Variants in TMPRSS15 observed in about 807,000 individuals in gnomAD.
TMPRSS15 encodes the protein transmembrane serine protease 15, also known as enteropeptidase.
TMPRSS15 carries 128 observed loss-of-function variants against 125.3 expected under a neutral mutation model. The observed-to-expected ratio is 1.02, with a 90% confidence interval of 0.89 to 1.18. The LOEUF is 1.18. Among genes scored for constraint, TMPRSS15 ranks in the 50% most tolerant of loss-of-function variants. The probability of loss-of-function intolerance (pLI) is 0.00; values close to 1 mark genes in which losing one functional copy is unlikely to be tolerated. For missense variants in TMPRSS15, 1,283 were observed against 1,212.7 expected (o/e 1.06, Z -0.86); for synonymous variants, 446 against 423.2 (o/e 1.05, Z -0.66).
upstream of TMPRSS15, among the ~76,000 whole-genome samples, chr21:18,404,339 T>C (rs1259317775): frequency 6.6e-6 from 1 of 152,224 alleles, no homozygotes; most frequent in African/African-American, 2.4e-5. Context: ...CAGTTATTAA[T>C]GAATGGTAGT....
At chr21:18,360,633 T>C (rs1032468035) in intron 7 of TMPRSS15, among the ~76,000 whole-genome samples, 21 of 152,276 alleles carry the variant, frequency 1.4e-4, no homozygotes, top group African/African-American at 5.1e-4. Flanking sequence ...GGCTTTCTAT[T>C]CTGTCTATGT....
intron 18 of TMPRSS15, among the ~76,000 whole-genome samples, chr21:18,309,562 A>G (rs967660332): frequency 6.6e-6 from 1 of 152,114 alleles, no homozygotes; most frequent in Non-Finnish European, 1.5e-5. Flanking sequence ...TTTACAAGAA[A>G]AAAACAAACA....
chr21:18,304,034 C>T (rs867662497), intron 18 of TMPRSS15, among the ~76,000 whole-genome samples: 30 of 152,092 alleles, frequency 2.0e-4, no homozygotes, highest in African/African-American at 5.3e-4. Flanking sequence ...TGGTGAAAAC[C>T]TTGCTATGGA....
chr21:18,378,918 T>C lies in TMPRSS15; in HGVS notation c.532+365A>G, dbSNP rs1190628608. Among the ~76,000 whole-genome samples, 12 of 152,238 alleles carry C rather than the reference T, an allele frequency of 7.9e-5. 2 individuals are homozygous for C. The highest frequency in any genetic ancestry group is 7.9e-4 in the Admixed American group (12 of 15,274). ...GTTAACAGGAGAAAGCAAGCATGTC[T>C]AACTTGTATGCAGAGATAATAATCA... On this transcript the variant is annotated intron_variant, in intron 5 of 24. Transcript: ENST00000284885.
In TMPRSS15 at chr21:18,383,830, T is replaced by C. The variant is rs759897678; in HGVS notation, c.345-52A>G. ...GAAAAAGTCAGCCATCTTCCACTGA[T>C]TTGTGTTCAATTCATGTTAAATGTC... On this transcript the variant is annotated intron_variant, in intron 3 of 24. Transcript: ENST00000284885. The C allele has an allele frequency of 3.2e-6, 5 of 1,585,904 alleles. No homozygotes were observed. In the Admixed American group the frequency reaches 5.2e-5, roughly 17 times the overall value.
rs142111758 is a variant in TMPRSS15 at position 18,384,281 on chromosome 21, C to G, written c.345-503G>C. 2.9e-3 allele frequency among the ~76,000 whole-genome samples: 443 copies of G among 152,242 alleles called. 6 individuals carry two copies. Among genetic ancestry groups the G allele is most frequent in the South Asian group, 0.015 (71 of 4,822 alleles). ...TATGGCAACTAATCTATATCTCCCTCTTCTTCTCTATTTTGCTTAATATAA... is the reference window on the plus strand; with the variant it reads ...TATGGCAACTAATCTATATCTCCCTGTTCTTCTCTATTTTGCTTAATATAA... On this transcript the variant is annotated intron_variant, in intron 3 of 24. Coordinates refer to ENST00000284885, the MANE Select transcript of TMPRSS15 (RefSeq NM_002772.3).
intron 16 of TMPRSS15, among the ~76,000 whole-genome samples, chr21:18,317,763 C>T (rs2075183016): frequency 2.8e-5 from 2 of 72,250 alleles, no homozygotes; most frequent in African/African-American, 1.1e-4. Context: ...ATTTCCCATC[C>T]CATCCCATCC....
At chr21:18,420,273 C>T (rs1033066701) in intron 1 of TMPRSS15, among the ~76,000 whole-genome samples, 4 of 152,156 alleles carry the variant, frequency 2.6e-5, no homozygotes, top group African/African-American at 9.7e-5. Flanking sequence ...GTCTGTGATT[C>T]GAGTAAACCT....
chr21:18,274,199 T>C (rs2074593753), intron 24 of TMPRSS15, among the ~76,000 whole-genome samples: 1 of 152,172 alleles, frequency 6.6e-6, no homozygotes, highest in Non-Finnish European at 1.5e-5. Flanking sequence ...ACTGTTAACA[T>C]TTTTGAGTAA....
At chr21:18,334,480 G>T (rs143286589) in intron 13 of TMPRSS15, among the ~76,000 whole-genome samples, 117 of 152,252 alleles carry the variant, frequency 7.7e-4, no homozygotes, top group African/African-American at 2.7e-3. Context: ...GAAAATTGTG[G>T]CTCTGAGTTA....
At chr21:18,430,635 T>C (rs887791334) in intron 1 of TMPRSS15, among the ~76,000 whole-genome samples, 1 of 152,200 alleles carries the variant, frequency 6.6e-6, no homozygotes, top group African/African-American at 2.4e-5. Flanking sequence ...TGCTGCTCTG[T>C]ATGCTGGTGC....
Position 18,453,934 on chromosome 21 carries a change from T to C in TMPRSS15, c.10+31865A>G, listed in dbSNP as rs1978388683. On this transcript the variant is annotated intron_variant, in intron 1 of 7. Coordinates refer to the TMPRSS15 transcript ENST00000422787. ...TCTGCAATATTCCACCTGTATGAAG[T>C]ATCTGTAAGAGTTAAACTCATGGGA... Among the ~76,000 whole-genome samples the C allele has an allele frequency of 1.3e-5, 2 of 152,296 alleles. 1 individual carries two copies. Among genetic ancestry groups the C allele is most frequent in the South Asian group, 4.1e-4 (2 of 4,828 alleles).
rs1486543313 is a variant in TMPRSS15, at chr21:18,343,568, C to T, written c.1366G>A (p.Gly456Arg). The T allele has an allele frequency of 9.3e-6, 15 of 1,613,412 alleles. No homozygotes were observed. The highest frequency in any genetic ancestry group is 1.3e-5 in the Non-Finnish European group (15 of 1,179,528). Residue 456 changes from glycine (G) to arginine (R), a missense_variant, in exon 12 of 25, where the codon GGA becomes AGA. Transcript: ENST00000284885. ...TAATTCCAATTGTCTCCATAATTTC[C>T]TTCCTTTTGGAAAACTGTCTTCTCC... ...NMEKTVFQKE[G>R]NYGDNWNYGQ...
intron 7 of TMPRSS15, among the ~76,000 whole-genome samples, 170 bp from the exon 8 acceptor site, chr21:18,360,033 T>G (rs2075665383): frequency 6.6e-6 from 1 of 152,076 alleles, no homozygotes; most frequent in Non-Finnish European, 1.5e-5. Flanking sequence ...AACACAATGA[T>G]GTACAGCAGA....
chr21:18,305,676 G>A (rs1023644416), intron 18 of TMPRSS15, among the ~76,000 whole-genome samples: 6 of 152,150 alleles, frequency 3.9e-5, no homozygotes, highest in Non-Finnish European at 8.8e-5. Flanking sequence ...TTACAAGTCA[G>A]TGGTACACCT....
chr21:18,381,982 T>A (rs1195453049), intron 4 of TMPRSS15, among the ~76,000 whole-genome samples: 1 of 151,470 alleles, frequency 6.6e-6, no homozygotes, highest in Non-Finnish European at 1.5e-5. Flanking sequence ...AGTTAAAAAA[T>A]AAAAAATGAA....
At chr21:18,325,634 T>C (rs1263216106) in intron 16 of TMPRSS15, among the ~76,000 whole-genome samples, 2 of 151,940 alleles carry the variant, frequency 1.3e-5, no homozygotes, top group Non-Finnish European at 2.9e-5. Flanking sequence ...AAGAGAGATG[T>C]AGGAAGTAGC....
chr21:18,295,223 C>T (rs1409390529), intron 19 of TMPRSS15, among the ~76,000 whole-genome samples: 1 of 152,134 alleles, frequency 6.6e-6, no homozygotes, highest in African/African-American at 2.4e-5. Flanking sequence ...TAAAAGAAAG[C>T]ACAGGCAAAA....
chr21:18,401,512 T>C (rs542053982), intron 1 of TMPRSS15, among the ~76,000 whole-genome samples: 9 of 152,174 alleles, frequency 5.9e-5, no homozygotes, highest in African/African-American at 2.2e-4. Flanking sequence ...TTCTCAAGCA[T>C]AAGTGGGAGC....
Sources: allele counts gnomAD v4.1 joint callset (sites outside exome capture counted in the v4.1 genomes callset), GRCh38; gene constraint gnomAD v4.1.1; transcripts MANE v1.5; gene names NCBI Gene and HGNC (gene_info 2026-07-23, HGNC 2026-07-21).